Variants in ASAP1 observed in about 807,000 individuals in gnomAD.
ASAP1 encodes arf-GAP with SH3 domain, ANK repeat and PH domain-containing protein 1.
In ASAP1, 43 loss-of-function variants were observed where a neutral mutation model predicts 145.2. The ratio of observed to expected loss-of-function variants is 0.30; its 90% CI spans 0.23 to 0.38. The LOEUF (loss-of-function observed/expected upper bound fraction) is 0.38, where lower values mean the gene tolerates loss of function less well. Among genes scored for constraint, ASAP1 ranks in the 10% least tolerant of loss-of-function variants. ASAP1 has a pLI of 1.00. For missense variants in ASAP1, 1,018 were observed against 1,355.3 expected (o/e 0.75, Z 3.91); for synonymous variants, 546 against 515.5 (o/e 1.06, Z -0.80).
chr8:130,084,903 A>G (rs2097489399), intron 25 of ASAP1: 1 of 152,254 alleles, frequency 6.6e-6, no homozygotes, highest in South Asian at 2.1e-4. Flanking sequence ...TATAAGCAGT[A>G]AACCAATTTT....
At chr8:130,221,114 G>T (rs1817269188) in intron 4 of ASAP1, among the ~76,000 whole-genome samples, 1 of 152,114 alleles carries the variant, frequency 6.6e-6, no homozygotes, top group East Asian at 1.9e-4. Flanking sequence ...TGAGCCTGTG[G>T]TCCCAGCTAC....
chr8:130,233,198 A>G (rs1326293339), intron 4 of ASAP1, among the ~76,000 whole-genome samples: 1 of 152,186 alleles, frequency 6.6e-6, no homozygotes, highest in Non-Finnish European at 1.5e-5. Context: ...TCTGGGAAAC[A>G]CCAAAGTCAT....
chr8:130,072,483 G>A (rs1038695615), intron 27 of ASAP1, among the ~76,000 whole-genome samples: 1 of 152,006 alleles, frequency 6.6e-6, no homozygotes, highest in Non-Finnish European at 1.5e-5. Flanking sequence ...CCATGATTGC[G>A]AGGCCTCCCC....
At chr8:130,268,967 T>C (rs1342145866) in intron 3 of ASAP1, among the ~76,000 whole-genome samples, 6 of 151,920 alleles carry the variant, frequency 3.9e-5, no homozygotes, top group Middle Eastern at 6.8e-3. Context: ...GGAGGGAGGG[T>C]GGAGAAGGAA....
chr8:130,296,920 C>A (rs1279170800), intron 3 of ASAP1, among the ~76,000 whole-genome samples: 1 of 152,214 alleles, frequency 6.6e-6, no homozygotes, highest in East Asian at 1.9e-4. Flanking sequence ...TGGTAGCTTT[C>A]AAGTTTAACT....
intron 24 of ASAP1, among the ~76,000 whole-genome samples, chr8:130,097,275 C>T (rs1485043992): frequency 1.3e-5 from 2 of 151,936 alleles, no homozygotes; most frequent in East Asian, 1.9e-4. Flanking sequence ...TGGACACAGG[C>T]CTGTCCTCAA....
chr8:130,118,684 G>C lies in ASAP1; in HGVS notation c.1608-9C>G, dbSNP rs772962799. On this transcript the variant is annotated splice_polypyrimidine_tract_variant and intron_variant, in intron 18 of 29. Transcript: ENST00000518721. ...ATTCTTTTCGTACAGTCCTAAAACA[G>C]AACAAAATAAAGAATTTTTATTTTC... 7.0e-7 allele frequency: 1 copy of C among 1,426,636 alleles called. No homozygotes were observed. Among genetic ancestry groups the C allele is most frequent in the Non-Finnish European group, 9.3e-7 (1 of 1,077,764 alleles). The allele number at this position is 1,426,636 out of a possible 1,614,324, so 88.4% of individuals were successfully genotyped here.
intron 2 of ASAP1, among the ~76,000 whole-genome samples, chr8:130,395,585 T>C (rs1828489559): frequency 6.6e-6 from 1 of 152,150 alleles, no homozygotes; most frequent in South Asian, 2.1e-4. Flanking sequence ...CAAGGAAGGA[T>C]TCTCCCCTAC....
intron 3 of ASAP1, among the ~76,000 whole-genome samples, chr8:130,297,885 G>A (rs1822384440): frequency 6.6e-6 from 1 of 152,174 alleles, no homozygotes; most frequent in African/African-American, 2.4e-5. Flanking sequence ...AGTGGGAAAA[G>A]TAAAACTGGC....
chr8:130,376,200 A>C (rs909199942), intron 2 of ASAP1, among the ~76,000 whole-genome samples: 13 of 152,196 alleles, frequency 8.5e-5, no homozygotes, highest in African/African-American at 3.1e-4. Flanking sequence ...TCCTAACCAC[A>C]AGGCGTGGAG....
intron 3 of ASAP1, among the ~76,000 whole-genome samples, chr8:130,357,812 G>A (rs183011193): frequency 0.01 from 1,554 of 152,338 alleles, 14 homozygotes; most frequent in Admixed American, 0.021. Flanking sequence ...CCAGTCCCCA[G>A]GCCTTTCAAC....
chr8:130,187,151 T>A lies in ASAP1; in HGVS notation c.530+85A>T, dbSNP rs2136216675. On this transcript the variant is annotated intron_variant, in intron 7 of 29. Coordinates refer to ENST00000518721, the MANE Select transcript of ASAP1 (RefSeq NM_018482.4). ...TTATTAGTTAAGGGCTCTGTCCTTTTTCCAGTTAAGTTTTTTTTTTTGTTG... is the reference window on the plus strand; with the variant it reads ...TTATTAGTTAAGGGCTCTGTCCTTTATCCAGTTAAGTTTTTTTTTTTGTTG... 6.6e-6 allele frequency: 8 copies of A among 1,209,770 alleles called. No individual in the cohort carries two copies. In the East Asian group the frequency reaches 1.9e-4, roughly 29 times the overall value. 74.9% of individuals were successfully genotyped at this position (1,209,770 alleles called of 1,614,324 possible). A position where few individuals can be genotyped will look rare whatever the true frequency, so the allele number is the denominator to read the frequency against.
At chr8:130,248,006 T>C (rs1044455332) in intron 3 of ASAP1, among the ~76,000 whole-genome samples, 21 of 152,168 alleles carry the variant, frequency 1.4e-4, no homozygotes, top group African/African-American at 4.1e-4. Context: ...CCCTTTAAAA[T>C]ACTGGTGACT....
At chr8:130,191,451 T>C (rs924656477) in intron 5 of ASAP1, among the ~76,000 whole-genome samples, 1 of 152,184 alleles carries the variant, frequency 6.6e-6, no homozygotes, top group African/African-American at 2.4e-5. Context: ...TAATAAGATA[T>C]CTACTCTGTG....
At chr8:130,417,411 CG>C (rs1382439086) in intron 1 of ASAP1, among the ~76,000 whole-genome samples, 1 of 152,182 alleles carries the variant, frequency 6.6e-6, no homozygotes, top group Non-Finnish European at 1.5e-5. Context: ...TGTGCTGGGT[CG>C]GGACATTCCA....
chr8:130,262,416 A>AAAAAAAAAAAAGAGAG (rs1819974520), intron 3 of ASAP1, among the ~76,000 whole-genome samples: 1 of 57,850 alleles, frequency 1.7e-5, no homozygotes, highest in African/African-American at 6.8e-5. Flanking sequence ...AAAAAAAAAA[A>AAAAAAAAAAAAGAGAG]AGAGAGAGAG....
chr8:130,431,889 A>AGAAGGG, intron 1 of ASAP1, among the ~76,000 whole-genome samples: 1 of 120,672 alleles, frequency 8.3e-6, no homozygotes, highest in South Asian at 3.6e-4. Flanking sequence ...GGAAAGGGGG[A>AGAAGGG]AGATAAGGAG....
At chr8:130,277,200 G>C (rs1432089539) in intron 3 of ASAP1, among the ~76,000 whole-genome samples, 1 of 152,180 alleles carries the variant, frequency 6.6e-6, no homozygotes, top group Non-Finnish European at 1.5e-5. Flanking sequence ...AGACTGGAGA[G>C]AAAGCAGCTG....
intron 10 of ASAP1, 70 bp downstream of exon 10, chr8:130,168,922 C>T (rs1399138812): frequency 1.1e-6 from 1 of 922,154 alleles, no homozygotes; most frequent in African/African-American, 1.7e-5. Flanking sequence ...CTTTCTAATA[C>T]AGATTTCAAA....
Sources: gnomAD v4.1 joint callset for allele counts (sites outside exome capture counted in the v4.1 genomes callset) on GRCh38, gnomAD v4.1.1 for gene constraint, MANE v1.5 for transcripts, NCBI Gene and HGNC (gene_info 2026-07-23, HGNC 2026-07-21) for gene names.